The following ROCK1 variants were observed in gnomAD, a reference collection of about 807,000 sequenced individuals.
ROCK1 encodes the protein Rho associated coiled-coil containing protein kinase 1, also known as rho-associated protein kinase 1.
ROCK1 carries 36 observed loss-of-function variants against 196.8 expected under a neutral mutation model. The observed-to-expected ratio is 0.18, with a 90% confidence interval of 0.14 to 0.24. The LOEUF (loss-of-function observed/expected upper bound fraction) is 0.24. Ranked by LOEUF, ROCK1 falls within the 10% of genes least tolerant of loss-of-function variation. ROCK1 has a pLI of 1.00. For synonymous variants in ROCK1, 443 were observed against 515.9 expected (o/e 0.86, Z 1.91); for missense variants, 920 against 1,562.0 (o/e 0.59, Z 6.93).
At position 20,986,935 on chromosome 18, in the gene ROCK1, T is replaced by C. The variant is rs754390566; in HGVS notation, c.2304+15A>G. 1.3e-6 allele frequency: 2 copies of C among 1,578,910 alleles called. No individual in the cohort carries two copies. Among genetic ancestry groups the C allele is most frequent in the Non-Finnish European group, 1.7e-6 (2 of 1,166,028 alleles). On this transcript the variant is annotated intron_variant, in intron 19 of 32. Coordinates refer to ENST00000399799, the MANE Select transcript of ROCK1 (RefSeq NM_005406.3). ...TCTTTTAATAGATGAACAAAGTCAG[T>C]ACTATTTTTCTTACTTCATCCTCCA...
Position 20,959,092 on chromosome 18 carries a change from TAA to T in ROCK1, c.3512+746_3512+747del, listed in dbSNP as rs1295750794. ...TATTATATAATATATATATTTTATA[TAA>T]TATATATATTATATATATATTATAT... is the stretch of plus-strand genomic sequence containing the variant. On this transcript the variant is annotated intron_variant, in intron 29 of 32. Transcript: ENST00000399799. Among the ~76,000 whole-genome samples the T allele has an allele frequency of 8.6e-4, 28 of 32,476 alleles. 1 individual carries two copies. Among genetic ancestry groups the T allele is most frequent in the Admixed American group, 1.3e-3 (2 of 1,498 alleles). The allele number at this position is 32,476 out of a possible 152,430, so 21.3% of individuals were successfully genotyped here.
At chr18:21,032,468 T>G (rs2036016787) in intron 9 of ROCK1, among the ~76,000 whole-genome samples, 1 of 146,894 alleles carries the variant, frequency 6.8e-6, no homozygotes, top group Admixed American at 6.8e-5. Context: ...AGCTGAGGAA[T>G]AAAAAGGAAA....
intron 1 of ROCK1, among the ~76,000 whole-genome samples, chr18:21,082,543 A>C (rs1396236394): frequency 1.3e-5 from 2 of 152,202 alleles, no homozygotes; most frequent in African/African-American, 4.8e-5. Flanking sequence ...AAATATTTTA[A>C]TGTAATCTAC....
Position 21,105,101 on chromosome 18 carries a change from TATG to T in ROCK1, c.93+5714_93+5716del, listed in dbSNP as rs2036692453. Among the ~76,000 whole-genome samples the T allele has an allele frequency of 1.3e-5, 2 of 152,238 alleles. 1 individual carries two copies. The highest frequency in any genetic ancestry group is 4.1e-4 in the South Asian group (2 of 4,836). On this transcript the variant is annotated intron_variant, in intron 1 of 32. Transcript: ENST00000399799. ...CAAATGCTTACTAAATACCAAATGC[TATG>T]ATAGTTGCTTTGACTATATTATTCA... is the stretch of plus-strand genomic sequence containing the variant.
At chr18:20,991,035 C>T in intron 18 of ROCK1, 141 bp downstream of exon 18, 1 of 626,644 alleles carries the variant, frequency 1.6e-6, no homozygotes, top group South Asian at 2.3e-5. Context: ...GATGGGATTA[C>T]AGGCATGAGC....
At chr18:21,001,440 A>C (rs1370804612) in intron 16 of ROCK1, among the ~76,000 whole-genome samples, 5 of 152,228 alleles carry the variant, frequency 3.3e-5, no homozygotes, top group African/African-American at 1.2e-4. Flanking sequence ...TTTCACCTTA[A>C]TTAAAAAATA....
intron 8 of ROCK1, among the ~76,000 whole-genome samples, chr18:21,040,282 C>G (rs2036094230): frequency 6.6e-6 from 1 of 152,056 alleles, no homozygotes; most frequent in Non-Finnish European, 1.5e-5. Context: ...ATACCAGATG[C>G]TACCAAAAAC....
chr18:21,069,785 T>G (rs951258604), intron 2 of ROCK1, among the ~76,000 whole-genome samples: 7 of 152,038 alleles, frequency 4.6e-5, no homozygotes, highest in African/African-American at 1.7e-4. Flanking sequence ...TGAGAAATAA[T>G]TAAAACTTTT....
At chr18:20,993,037 TAA>T in intron 16 of ROCK1, 100 bp from the exon 17 acceptor site, 1 of 652,606 alleles carries the variant, frequency 1.5e-6, no homozygotes, top group South Asian at 2.0e-5. Flanking sequence ...TTTAATGTAT[TAA>T]GTTTCCTGAT....
At chr18:21,002,459 T>C (rs577011315) in intron 16 of ROCK1, among the ~76,000 whole-genome samples, 1 of 152,296 alleles carries the variant, frequency 6.6e-6, no homozygotes, top group South Asian at 2.1e-4. Context: ...TAATCATCTT[T>C]GGAGGATGCC....
intron 3 of ROCK1, 94 bp downstream of exon 3, chr18:21,049,686 T>C: frequency 1.2e-6 from 1 of 820,638 alleles, no homozygotes; most frequent in Non-Finnish European, 1.9e-6. Flanking sequence ...AACAATTCTA[T>C]AAAAACAGTA....
chr18:21,053,602 G>C (rs1200348594), intron 2 of ROCK1, among the ~76,000 whole-genome samples: 1 of 152,198 alleles, frequency 6.6e-6, no homozygotes, highest in Non-Finnish European at 1.5e-5. Flanking sequence ...TTGGGACACA[G>C]AGGCAGGAGG....
chr18:21,015,978 T>C (rs2035859575), intron 12 of ROCK1, among the ~76,000 whole-genome samples: 1 of 147,080 alleles, frequency 6.8e-6, no homozygotes, highest in Non-Finnish European at 1.5e-5. Flanking sequence ...AGACTCCATC[T>C]CAAAAAAAAA....
rs1326498913 is a variant in ROCK1, at chr18:21,095,757, A to C, written c.93+15061T>G. Among the ~76,000 whole-genome samples, 9 of 152,250 alleles carry C rather than the reference A, an allele frequency of 5.9e-5. No individual in the cohort carries two copies. In the East Asian group the frequency reaches 1.5e-3, roughly 26 times the overall value. ...AAAAAAAAAAAACTAGCTAGAAAAA[A>C]TGAATAAGATCTAGTATTTGATAGC... is the stretch of plus-strand genomic sequence containing the variant. On this transcript the variant is annotated intron_variant, in intron 1 of 32. Coordinates refer to ENST00000399799, the MANE Select transcript of ROCK1 (RefSeq NM_005406.3).
intron 2 of ROCK1, 71 bp downstream of exon 2, chr18:21,070,461 G>A: frequency 1.3e-6 from 1 of 743,190 alleles, no homozygotes; most frequent in South Asian, 2.2e-5. Context: ...GAAAAAATAA[G>A]GGCTTGAATG....
chr18:21,006,433 T>G lies in ROCK1; in HGVS notation c.1803A>C (p.Lys601Asn). ...ATATAGCTTGCAGCTGGTAATAATC[T>G]TTGTCTGTTTGTGACTTAGAATTCT... is the stretch of plus-strand genomic sequence containing the variant. ...ILENSKSQTD[K>N]DYYQLQAILE... The change falls in exon 16 of 33, where the codon AAA becomes AAC. Residue 601 changes from lysine (K) to asparagine (N), a missense_variant. Physicochemically the swap from Lys to Asn is moderately conservative, Grantham distance 94. Coordinates refer to ENST00000399799, the MANE Select transcript of ROCK1 (RefSeq NM_005406.3). 6.2e-7 allele frequency: 1 copy of G among 1,613,726 alleles called. No homozygotes were observed. The highest frequency in any genetic ancestry group is 8.5e-7 in the Non-Finnish European group (1 of 1,179,954).
intron 1 of ROCK1, among the ~76,000 whole-genome samples, chr18:21,072,975 GAGACAGGACAATCGCTT>G (rs907928215): frequency 1.3e-5 from 2 of 149,448 alleles, no homozygotes; most frequent in Non-Finnish European, 3.0e-5. Context: ...TCGGGAGGTT[GAGACAGGACAATCGCTT>G]GAACCCGGGA....
At chr18:20,999,911 C>T (rs987419877) in intron 16 of ROCK1, among the ~76,000 whole-genome samples, 2 of 152,174 alleles carry the variant, frequency 1.3e-5, no homozygotes, top group Non-Finnish European at 2.9e-5. Flanking sequence ...CAGGCTTGAG[C>T]CACTGGCGCC....
At chr18:21,070,378 A>T (rs569143650) in intron 2 of ROCK1, among the ~76,000 whole-genome samples, 154 bp downstream of exon 2, 1 of 152,138 alleles carries the variant, frequency 6.6e-6, no homozygotes, top group Non-Finnish European at 1.5e-5. Flanking sequence ...CAGGCATCCA[A>T]ATTGTTTCTT....
Sources: allele counts gnomAD v4.1 joint callset (sites outside exome capture counted in the v4.1 genomes callset), GRCh38; gene constraint gnomAD v4.1.1; transcripts MANE v1.5; gene names NCBI Gene and HGNC (gene_info 2026-07-23, HGNC 2026-07-21).